CSMD1: variants seen among roughly 807,000 people sequenced by gnomAD.
The protein encoded by CSMD1 is CUB and Sushi multiple domains 1.
Under a neutral mutation model 417.5 loss-of-function variants are expected in CSMD1, and 213 were observed. That is an observed-to-expected ratio of 0.51 (90% CI 0.46 to 0.57). The LOEUF (loss-of-function observed/expected upper bound fraction) is 0.57. Ranked by LOEUF, CSMD1 falls within the 20% of genes least tolerant of loss-of-function variation. The pLI, the probability that CSMD1 is intolerant of heterozygous loss-of-function variation, is 0.00. For missense variants in CSMD1, 6,923 were observed against 4,529.7 expected (o/e 1.53, Z -15.17); for synonymous variants, 2,862 against 1,736.8 (o/e 1.65, Z -16.11).
chr8:3,567,347 T>C (rs544158157), intron 10 of CSMD1, among the ~76,000 whole-genome samples: 9 of 151,872 alleles, frequency 5.9e-5, no homozygotes, highest in Non-Finnish European at 1.0e-4. Flanking sequence ...GTGATGAATC[T>C]GTACAACAAA....
intron 3 of CSMD1, among the ~76,000 whole-genome samples, chr8:4,080,175 A>C (rs560374157): frequency 2.0e-5 from 3 of 152,162 alleles, no homozygotes; most frequent in African/African-American, 7.2e-5. Context: ...ATTTCTATGA[A>C]TCTTTACTTG....
chr8:3,379,159 A>G (rs1052972508), intron 18 of CSMD1, among the ~76,000 whole-genome samples: 1 of 152,232 alleles, frequency 6.6e-6, no homozygotes, highest in African/African-American at 2.4e-5. Flanking sequence ...TGCTACAAAG[A>G]GAATAAAATG....
chr8:4,482,238 C>T (rs1482252245), intron 2 of CSMD1, among the ~76,000 whole-genome samples: 2 of 152,164 alleles, frequency 1.3e-5, no homozygotes, highest in Non-Finnish European at 2.9e-5. Flanking sequence ...CAGATCCTCT[C>T]CCTTCTCCCA....
chr8:4,034,990 T>G (rs941194723), intron 3 of CSMD1, among the ~76,000 whole-genome samples: 1 of 152,206 alleles, frequency 6.6e-6, no homozygotes, highest in Non-Finnish European at 1.5e-5. Context: ...TCTATACGTT[T>G]TTTCTGTTAA....
At chr8:4,726,315 T>TA (rs778884930) in intron 1 of CSMD1, among the ~76,000 whole-genome samples, 1,880 of 141,152 alleles carry the variant, frequency 0.013, 15 homozygotes, top group African/African-American at 0.033. Flanking sequence ...GCGGGTTCTT[T>TA]AAAAAAAAAA....
At chr8:4,962,989 G>T (rs576163048) in intron 1 of CSMD1, among the ~76,000 whole-genome samples, 2 of 152,070 alleles carry the variant, frequency 1.3e-5, no homozygotes, top group Non-Finnish European at 2.9e-5. Context: ...ATCTAGTGAC[G>T]CTATATACGT....
intron 3 of CSMD1, among the ~76,000 whole-genome samples, chr8:4,046,633 C>A (rs1279666555): frequency 6.6e-6 from 1 of 152,120 alleles, no homozygotes; most frequent in Non-Finnish European, 1.5e-5. Context: ...TCCATCATAA[C>A]AAACAACAAG....
At chr8:3,658,008 G>C (rs1032037933) in intron 7 of CSMD1, among the ~76,000 whole-genome samples, 1 of 152,098 alleles carries the variant, frequency 6.6e-6, no homozygotes, top group Admixed American at 6.6e-5. Flanking sequence ...TTGGGATTTG[G>C]AGAAGGAAAA....
At chr8:3,639,487 G>A (rs894493961) in intron 7 of CSMD1, among the ~76,000 whole-genome samples, 8 of 152,128 alleles carry the variant, frequency 5.3e-5, no homozygotes, top group Non-Finnish European at 1.0e-4. Context: ...ATGAAAATAA[G>A]GACAGAGCAC....
intron 26 of CSMD1, among the ~76,000 whole-genome samples, chr8:3,268,979 A>G (rs1801641073): frequency 6.6e-6 from 1 of 152,236 alleles, no homozygotes; most frequent in Non-Finnish European, 1.5e-5. Flanking sequence ...TTAAACCTCC[A>G]TCCTCAAGAA....
At chr8:4,112,327 C>G (rs566724385) in intron 3 of CSMD1, among the ~76,000 whole-genome samples, 5 of 152,174 alleles carry the variant, frequency 3.3e-5, no homozygotes, top group African/African-American at 2.4e-5. Flanking sequence ...ACCCTGGCAA[C>G]GGACACAGGC....
At chr8:4,487,484 A>C (rs530910662) in intron 2 of CSMD1, among the ~76,000 whole-genome samples, 1 of 152,212 alleles carries the variant, frequency 6.6e-6, no homozygotes, top group Admixed American at 6.5e-5. Flanking sequence ...GTCCCTACAA[A>C]GGACATGAAG....
chr8:4,199,515 T>G (rs1382041309), intron 3 of CSMD1, among the ~76,000 whole-genome samples: 1 of 152,146 alleles, frequency 6.6e-6, no homozygotes, highest in Non-Finnish European at 1.5e-5. Context: ...CAATTTTCAT[T>G]TAAATATAAG....
chr8:4,585,689 C>T (rs1400517079), intron 2 of CSMD1, among the ~76,000 whole-genome samples: 1 of 152,048 alleles, frequency 6.6e-6, no homozygotes, highest in African/African-American at 2.4e-5. Flanking sequence ...AAAATTAAAG[C>T]CAGAGGTAAT....
chr8:4,139,886 G>T (rs903429818), intron 3 of CSMD1, among the ~76,000 whole-genome samples: 2 of 150,946 alleles, frequency 1.3e-5, no homozygotes, highest in Non-Finnish European at 2.9e-5. Context: ...TTCATCAGAA[G>T]CAAGGGTGGA....
intron 52 of CSMD1, among the ~76,000 whole-genome samples, chr8:3,016,347 C>T (rs1585155310): frequency 6.6e-6 from 1 of 152,298 alleles, no homozygotes; most frequent in African/African-American, 2.4e-5. Context: ...TGTTCTCCTA[C>T]CTTTTTACTC....
chr8:3,464,562 TA>T (rs1816694324), intron 12 of CSMD1, among the ~76,000 whole-genome samples: 1 of 150,274 alleles, frequency 6.7e-6, no homozygotes, highest in African/African-American at 2.4e-5. Context: ...TTCTATCTAT[TA>T]TAAATATGAT....
At chr8:3,021,558 C>T (rs1809394768) in intron 51 of CSMD1, among the ~76,000 whole-genome samples, 1 of 152,238 alleles carries the variant, frequency 6.6e-6, no homozygotes. Context: ...CGCTCACAGT[C>T]CGCAGTGCTT....
chr8:3,012,995 T>C (rs1808519316), intron 52 of CSMD1, among the ~76,000 whole-genome samples: 1 of 152,196 alleles, frequency 6.6e-6, no homozygotes, highest in Admixed American at 6.5e-5. Flanking sequence ...CTCTTGCCTG[T>C]CACCATGTAA....
Sources: gnomAD v4.1 joint callset for allele counts (sites outside exome capture counted in the v4.1 genomes callset) on GRCh38, gnomAD v4.1.1 for gene constraint, MANE v1.5 for transcripts, NCBI Gene and HGNC (gene_info 2026-07-23, HGNC 2026-07-21) for gene names.